DOCK7: variants seen among roughly 807,000 people sequenced by gnomAD.
DOCK7 encodes dedicator of cytokinesis protein 7.
Under a neutral mutation model 271.0 loss-of-function variants are expected in DOCK7, and 138 were observed. That is an observed-to-expected ratio of 0.51 (90% CI 0.44 to 0.59). The LOEUF is 0.59. DOCK7 is among the 20% of genes least tolerant of loss of function. The probability of loss-of-function intolerance (pLI) is 0.00; values close to 1 mark genes in which losing one functional copy is unlikely to be tolerated. For synonymous variants in DOCK7, 823 were observed against 876.1 expected (o/e 0.94, Z 1.07); for missense variants, 2,066 against 2,592.4 (o/e 0.80, Z 4.41).
chr1:62,665,714 C>CAAAA (rs59439795), intron 1 of DOCK7, among the ~76,000 whole-genome samples: 5 of 43,092 alleles, frequency 1.2e-4, no homozygotes, highest in East Asian at 7.9e-4. Context: ...GACTCCATCT[C>CAAAA]AAAAAAAAAA....
chr1:62,565,674 C>T (rs1055659291), intron 18 of DOCK7, among the ~76,000 whole-genome samples: 6 of 152,194 alleles, frequency 3.9e-5, no homozygotes, highest in Non-Finnish European at 7.3e-5. Flanking sequence ...CCTCTCTCAC[C>T]ACTCCTATTC....
In DOCK7 at chr1:62,686,250, C is replaced by T. The variant is rs1431544357; in HGVS notation, c.38+1977G>A. 1.7e-3 allele frequency among the ~76,000 whole-genome samples: 2 copies of T among 1,188 alleles called. 1 individual carries two copies. The highest frequency in any genetic ancestry group is 1.8e-3 in the African/African-American group (2 of 1,138). The allele number at this position is 1,188 out of a possible 152,430, so 0.8% of individuals were successfully genotyped here. On this transcript the variant is annotated intron_variant, in intron 1 of 49. Transcript: ENST00000635253. ...ACTGCGGACTGCAGTGGCGCAATCT[C>T]GGCTCACTGCAAGCTCCGCTTCCCG...
At chr1:62,467,868 C>G (rs918728548) in intron 48 of DOCK7, among the ~76,000 whole-genome samples, 4 of 152,168 alleles carry the variant, frequency 2.6e-5, no homozygotes, top group African/African-American at 7.2e-5. Flanking sequence ...AAAATTCTAA[C>G]TAACCAAATC....
rs386367151 is a variant in DOCK7 at position 62,639,426 on chromosome 1, C to CTTTTTTTTTTTTTTTTTTTT, written c.819-2843_819-2824dup. Among the ~76,000 whole-genome samples the CTTTTTTTTTTTTTTTTTTTT allele has an allele frequency of 2.6e-5, 2 of 75,880 alleles. 1 individual carries two copies. The highest frequency in any genetic ancestry group is 1.2e-4 in the African/African-American group (2 of 16,992). The allele number at this position is 75,880 out of a possible 152,430, so 49.8% of individuals were successfully genotyped here. A position where few individuals can be genotyped will look rare whatever the true frequency, so the allele number is the denominator to read the frequency against. ...AACTTAGTGCAAACTTTGTAATACT[C>CTTTTTTTTTTTTTTTTTTTT]TTTTTTTTTTTTTTTTTTTTTTTTT... On this transcript the variant is annotated intron_variant, in intron 7 of 49. Coordinates refer to ENST00000635253, the MANE Select transcript of DOCK7 (RefSeq NM_001367561.1).
intron 1 of DOCK7, among the ~76,000 whole-genome samples, chr1:62,675,462 C>T (rs1049045146): frequency 3.3e-5 from 5 of 152,092 alleles, no homozygotes; most frequent in African/African-American, 4.8e-5. Context: ...AGGGCAGATA[C>T]GTGAGTGGCT....
chr1:62,667,696 G>A (rs574929442), intron 1 of DOCK7, among the ~76,000 whole-genome samples: 2 of 152,060 alleles, frequency 1.3e-5, no homozygotes, highest in African/African-American at 4.8e-5. Context: ...CAGCCTAGGT[G>A]ACACAGAGAG....
At chr1:62,596,131 T>C (rs1347370219) in intron 14 of DOCK7, among the ~76,000 whole-genome samples, 7 of 152,162 alleles carry the variant, frequency 4.6e-5, no homozygotes, top group Non-Finnish European at 1.0e-4. Flanking sequence ...AACTAGCATT[T>C]TGAGCACTAC....
At chr1:62,493,620 A>G (rs1646528925) in intron 40 of DOCK7, among the ~76,000 whole-genome samples, 1 of 152,212 alleles carries the variant, frequency 6.6e-6, no homozygotes, top group Non-Finnish European at 1.5e-5. Context: ...ATTGTTTTGG[A>G]GATTCACCTT....
intron 48 of DOCK7, among the ~76,000 whole-genome samples, chr1:62,462,111 A>C (rs1485991703): frequency 6.6e-6 from 1 of 151,996 alleles, no homozygotes; most frequent in Non-Finnish European, 1.5e-5. Flanking sequence ...AGCATTATAT[A>C]CTAAAGAATA....
chr1:62,567,385 A>C (rs1212773659), intron 18 of DOCK7, among the ~76,000 whole-genome samples: 1 of 152,224 alleles, frequency 6.6e-6, no homozygotes, highest in African/African-American at 2.4e-5. Context: ...GGATGAGTTC[A>C]TGTCCTTTGC....
At chr1:62,486,333 T>G (rs921654700) in intron 43 of DOCK7, 1 of 152,096 alleles carries the variant, frequency 6.6e-6, no homozygotes, top group African/African-American at 2.4e-5. Context: ...GGTTTTCTAT[T>G]TGGGTCTTAA....
At chr1:62,674,113 G>A (rs1660297666) in intron 1 of DOCK7, among the ~76,000 whole-genome samples, 1 of 152,020 alleles carries the variant, frequency 6.6e-6, no homozygotes, top group Non-Finnish European at 1.5e-5. Flanking sequence ...AAGGTTGAAG[G>A]ATACAAGTAT....
At chr1:62,582,282 G>A (rs1212047007) in intron 16 of DOCK7, among the ~76,000 whole-genome samples, 2 of 152,056 alleles carry the variant, frequency 1.3e-5, no homozygotes, top group African/African-American at 2.4e-5. Flanking sequence ...CGGGCGCGGT[G>A]GCTCACGCCT....
At chr1:62,563,235 T>A (rs1007639072) in intron 18 of DOCK7, among the ~76,000 whole-genome samples, 2 of 152,110 alleles carry the variant, frequency 1.3e-5, no homozygotes, top group Non-Finnish European at 2.9e-5. Flanking sequence ...ATGTGGACCT[T>A]CACCTCTACC....
rs1025651603 is a variant in DOCK7 at position 62,477,638 on chromosome 1, G to T, written c.5634+62C>A. ...TAAATGATTAGATCTGGATCTGAAA[G>T]TCTAATCATCAGAGAGAATACAAAC... is the stretch of plus-strand genomic sequence containing the variant. On this transcript the variant is annotated intron_variant, in intron 44 of 49. Transcript: ENST00000635253. 2.6e-4 allele frequency: 377 copies of T among 1,475,130 alleles called. 5 individuals are homozygous for T. Among genetic ancestry groups the T allele is most frequent in the East Asian group, 7.2e-5 (3 of 41,550 alleles). 91.4% of individuals were successfully genotyped at this position (1,475,130 alleles called of 1,614,324 possible). A position where few individuals can be genotyped will look rare whatever the true frequency, so the allele number is the denominator to read the frequency against.
At chr1:62,598,157 C>A in intron 14 of DOCK7, 1 of 1,151,434 alleles carries the variant, frequency 8.7e-7, no homozygotes, top group East Asian at 2.7e-5. Context: ...TACTTTGTTG[C>A]ATTGTTGAAA....
At chr1:62,645,469 A>G (rs1213533196) in intron 7 of DOCK7, among the ~76,000 whole-genome samples, 2 of 152,316 alleles carry the variant, frequency 1.3e-5, no homozygotes, top group Non-Finnish European at 2.9e-5. Context: ...GGAAATAATC[A>G]GAATAAGCAA....
intron 48 of DOCK7, among the ~76,000 whole-genome samples, chr1:62,460,731 A>C (rs1645500256): frequency 6.6e-6 from 1 of 151,702 alleles, no homozygotes; most frequent in Non-Finnish European, 1.5e-5. Flanking sequence ...ATCTCAGCTC[A>C]CTGCAGCTTT....
intron 11 of DOCK7, among the ~76,000 whole-genome samples, chr1:62,626,129 T>C (rs1653923508): frequency 6.6e-6 from 1 of 151,998 alleles, no homozygotes; most frequent in Non-Finnish European, 1.5e-5. Context: ...TAATAGCCCA[T>C]TTAAAAAATA....
Sources: allele counts gnomAD v4.1 joint callset (sites outside exome capture counted in the v4.1 genomes callset), GRCh38; gene constraint gnomAD v4.1.1; transcripts MANE v1.5; gene names NCBI Gene and HGNC (gene_info 2026-07-23, HGNC 2026-07-21).